The following CENPC variants were observed in gnomAD, a reference collection of about 807,000 sequenced individuals.
CENPC encodes the protein centromere protein C, also known as CENP-C 1.
In CENPC, 63 loss-of-function variants were observed where a neutral mutation model predicts 112.1. The observed-to-expected ratio is 0.56, with a 90% confidence interval of 0.46 to 0.69. The LOEUF is 0.69. Ranked by LOEUF, CENPC falls within the 30% of genes least tolerant of loss-of-function variation. The pLI, the probability that CENPC is intolerant of heterozygous loss-of-function variation, is 0.00. For synonymous variants in CENPC, 333 were observed against 367.6 expected (o/e 0.91, Z 1.08); for missense variants, 1,000 against 1,103.8 (o/e 0.91, Z 1.33).
chr4:67,481,220 G>T (rs1724948538), intron 17 of CENPC, among the ~76,000 whole-genome samples: 1 of 152,038 alleles, frequency 6.6e-6, no homozygotes. Context: ...TAATAATTTG[G>T]AATATACCTA....
chr4:67,496,239 C>T (rs1725427650), intron 12 of CENPC, among the ~76,000 whole-genome samples: 1 of 152,184 alleles, frequency 6.6e-6, no homozygotes, highest in Non-Finnish European at 1.5e-5. Context: ...GAGGAAGTTA[C>T]CTCGAATGTC....
Position 67,492,272 on chromosome 4 carries a change from G to A in CENPC, c.2423C>T (p.Thr808Ile), listed in dbSNP as rs1184999056. ...RICLDNDERKTNLMVNLGIPL... is the reference protein window; with the variant it reads ...RICLDNDERKINLMVNLGIPL... ...TATACCTAGATTTACCATTAAGTTA[G>A]TCTCTGCAAAAGAAATACCATTGAA... Residue 808 changes from threonine (T) to isoleucine (I), a missense_variant, in exon 16 of 19, where the codon ACT (threonine) becomes ATT (isoleucine). Physicochemically the swap from Thr to Ile is moderately conservative, Grantham distance 89. Transcript: ENST00000273853. 2 of 1,549,192 alleles carry A rather than the reference G, an allele frequency of 1.3e-6. No homozygotes were observed. Among genetic ancestry groups the A allele is most frequent in the Non-Finnish European group, 1.8e-6 (2 of 1,142,342 alleles).
intron 7 of CENPC, 94 bp from the exon 8 acceptor site, chr4:67,514,781 C>A (rs1163771589): frequency 2.4e-6 from 3 of 1,274,402 alleles, no homozygotes; most frequent in Non-Finnish European, 3.2e-6. Flanking sequence ...ATCTAAATTT[C>A]TTTTAAACTG....
chr4:67,528,775 G>A (rs575803241), intron 5 of CENPC, among the ~76,000 whole-genome samples: 17 of 152,174 alleles, frequency 1.1e-4, no homozygotes, highest in East Asian at 3.9e-4. Flanking sequence ...ATACTGCTAC[G>A]AATATTAGTA....
intron 7 of CENPC, 95 bp downstream of exon 7, chr4:67,518,061 C>T (rs766426048): frequency 3.0e-5 from 20 of 665,444 alleles, no homozygotes; most frequent in Non-Finnish European, 4.6e-5. Flanking sequence ...AATTAAATTA[C>T]TTATTTCTAA....
chr4:67,521,541 T>C (rs1287305816), intron 5 of CENPC, among the ~76,000 whole-genome samples: 1 of 152,118 alleles, frequency 6.6e-6, no homozygotes, highest in Non-Finnish European at 1.5e-5. Context: ...ATAACAACTG[T>C]TGATGTAGAA....
intron 17 of CENPC, among the ~76,000 whole-genome samples, chr4:67,480,477 T>C (rs921173954): frequency 6.6e-6 from 1 of 151,256 alleles, no homozygotes; most frequent in African/African-American, 2.4e-5. Flanking sequence ...AAACTCTAAA[T>C]AGACCAATAA....
chr4:67,525,035 C>T (rs1726334870), intron 5 of CENPC, among the ~76,000 whole-genome samples: 2 of 152,092 alleles, frequency 1.3e-5, no homozygotes, highest in Non-Finnish European at 2.9e-5. Flanking sequence ...CATCTACAAC[C>T]GTTTGCTCTT....
chr4:67,544,535 A>G (rs1726974253), intron 1 of CENPC, among the ~76,000 whole-genome samples: 1 of 152,234 alleles, frequency 6.6e-6, no homozygotes, highest in South Asian at 2.1e-4. Flanking sequence ...TTATATGTAT[A>G]ACGTCACATA....
chr4:67,532,579 G>A (rs937220605), intron 4 of CENPC, among the ~76,000 whole-genome samples: 7 of 152,188 alleles, frequency 4.6e-5, no homozygotes, highest in African/African-American at 1.7e-4. Flanking sequence ...AAAAAAGGAT[G>A]AGTTCATGTC....
At chr4:67,509,127 T>C in intron 9 of CENPC, 22 bp from the exon 10 acceptor site, 1 of 1,568,520 alleles carries the variant, frequency 6.4e-7, no homozygotes, top group Non-Finnish European at 8.6e-7. Context: ...AATGATAACC[T>C]AAAGTTAGTA....
rs1725814021 is a variant in CENPC, at chr4:67,508,951, T to C, written c.1767A>G (p.Gln589=). The C allele has an allele frequency of 4.3e-6, 7 of 1,613,674 alleles. No individual in the cohort carries two copies. Among genetic ancestry groups the C allele is most frequent in the African/African-American group, 1.3e-5 (1 of 75,016 alleles). The part of the protein sequence containing the change: ...KRQKTATKGN[Q]RVQKFLNAEG... ...CAGCATTTAAAAACTTCTGTACTCT[T>C]TGGTTGCCTTTAGTTGCTGTCTTCT... Residue 589 remains glutamine (Q), a synonymous_variant, in exon 10 of 19, where the codon CAA becomes CAG. Transcript: ENST00000273853.
rs1326859145 is a variant in CENPC at position 67,474,894 on chromosome 4, G to A, written c.2755C>T (p.Pro919Ser). 1.9e-6 allele frequency: 3 copies of A among 1,557,506 alleles called. No homozygotes were observed. Among genetic ancestry groups the A allele is most frequent in the South Asian group, 1.2e-5 (1 of 84,818 alleles). The change falls in exon 18 of 19, where the codon CCT (proline) becomes TCT (serine). Residue 919 changes from proline (P) to serine (S), a missense_variant. Pro to Ser is a moderately conservative substitution (Grantham distance 74). Coordinates refer to ENST00000273853, the MANE Select transcript of CENPC (RefSeq NM_001812.4). ...ILSTGDSFYV[P>S]SGNYYNIKNL... ...GTGAAATAAATTGTCTTACCTGAAG[G>A]AACATAGAACGAATCCCCAGTACTT... is the stretch of plus-strand genomic sequence containing the variant.
At chr4:67,542,103 T>C (rs1303706611) in intron 2 of CENPC, among the ~76,000 whole-genome samples, 1 of 152,208 alleles carries the variant, frequency 6.6e-6, no homozygotes, top group African/African-American at 2.4e-5. Flanking sequence ...GAAGAACATC[T>C]GGATTTCAAT....
intron 9 of CENPC, 121 bp from the exon 10 acceptor site, chr4:67,509,226 AC>A (rs1725827594): frequency 1.2e-5 from 7 of 591,644 alleles, no homozygotes; most frequent in African/African-American, 5.6e-5. Context: ...ACACACACAC[AC>A]ACACACACAC....
chr4:67,493,144 C>A, intron 14 of CENPC, 147 bp from the exon 15 acceptor site: 2 of 584,570 alleles, frequency 3.4e-6, no homozygotes, highest in South Asian at 2.6e-5. Context: ...AAATACCAAC[C>A]AATTTCATTA....
In CENPC at chr4:67,475,165, G is replaced by T. The variant is rs77950680; in HGVS notation, c.2671-187C>A. ...AGATGGGGAGATTATCTTTGATAAT[G>T]TAGGTAGGCCCAATCTAATCACATT... On this transcript the variant is annotated intron_variant, in intron 17 of 18. Transcript: ENST00000273853. Among the ~76,000 whole-genome samples, 961 of 152,340 alleles carry T rather than the reference G, an allele frequency of 6.3e-3. 11 individuals are homozygous for T. The highest frequency in any genetic ancestry group is 0.022 in the African/African-American group (930 of 41,576).
chr4:67,540,929 C>A, intron 3 of CENPC, 51 bp downstream of exon 3: 1 of 1,206,564 alleles, frequency 8.3e-7, no homozygotes, highest in Non-Finnish European at 1.2e-6. Flanking sequence ...ATGACAAATT[C>A]ATATTTTCAT....
intron 12 of CENPC, among the ~76,000 whole-genome samples, chr4:67,497,502 C>G (rs1725469633): frequency 6.6e-6 from 1 of 152,082 alleles, no homozygotes; most frequent in Non-Finnish European, 1.5e-5. Context: ...TTTTTAGTTT[C>G]CTGGTGAATA....
Sources: gnomAD v4.1 joint callset for allele counts (sites outside exome capture counted in the v4.1 genomes callset) on GRCh38, gnomAD v4.1.1 for gene constraint, MANE v1.5 for transcripts, NCBI Gene and HGNC (gene_info 2026-07-23, HGNC 2026-07-21) for gene names.